The following CNTN5 variants were observed in gnomAD, a reference collection of about 807,000 sequenced individuals.
The protein encoded by CNTN5 is contactin-5.
A neutral mutation model predicts 129.1 loss-of-function variants in CNTN5; 77 were observed. The ratio of observed to expected loss-of-function variants is 0.60; its 90% CI spans 0.50 to 0.72. The LOEUF is 0.72. Ranked by LOEUF, CNTN5 falls within the 30% of genes least tolerant of loss-of-function variation. The pLI is 0.00. For missense variants in CNTN5, 1,478 were observed against 1,328.8 expected, an observed-to-expected ratio of 1.11 and a Z score of -1.75; for synonymous variants, 509 against 465.6, an observed-to-expected ratio of 1.09 and a Z score of -1.20.
intron 2 of CNTN5, among the ~76,000 whole-genome samples, chr11:99,537,549 T>C (rs1163467482): frequency 6.6e-6 from 1 of 152,146 alleles, no homozygotes; most frequent in Admixed American, 6.5e-5. Context: ...GCACCCTTCT[T>C]CGCTTCTCTT....
chr11:99,292,913 A>C (rs1282543910), intron 1 of CNTN5, among the ~76,000 whole-genome samples: 2 of 152,182 alleles, frequency 1.3e-5, no homozygotes, highest in African/African-American at 4.8e-5. Flanking sequence ...CTATTAAAGC[A>C]TAAGGTTATT....
At chr11:99,961,486 G>C (rs1950945590) in intron 8 of CNTN5, among the ~76,000 whole-genome samples, 1 of 152,126 alleles carries the variant, frequency 6.6e-6, no homozygotes, top group Admixed American at 6.5e-5. Context: ...CTAAAACACA[G>C]AATAAAGTGT....
At chr11:99,366,866 G>A (rs954035692) in intron 2 of CNTN5, among the ~76,000 whole-genome samples, 4 of 152,154 alleles carry the variant, frequency 2.6e-5, no homozygotes, top group Admixed American at 2.6e-4. Context: ...TAGAAAAGGG[G>A]AAATTGTTTC....
chr11:99,845,789 AAC>A (rs56152066), intron 6 of CNTN5, among the ~76,000 whole-genome samples: 5,775 of 152,230 alleles, frequency 0.038, 179 homozygotes, highest in East Asian at 0.15. Flanking sequence ...TAGAATTCAT[AAC>A]AGTCTATTTT....
intron 1 of CNTN5, among the ~76,000 whole-genome samples, chr11:99,278,704 C>T (rs1271843004): frequency 6.6e-6 from 1 of 151,734 alleles, no homozygotes; most frequent in Admixed American, 6.6e-5. Context: ...TTATATACCT[C>T]ATCCAAGGTC....
At chr11:99,970,994 G>C (rs528399995) in intron 8 of CNTN5, among the ~76,000 whole-genome samples, 1 of 152,114 alleles carries the variant, frequency 6.6e-6, no homozygotes, top group Non-Finnish European at 1.5e-5. Context: ...ATTTGCCAAA[G>C]ATCATGAAAT....
At chr11:99,657,297 A>G (rs1488229353) in intron 3 of CNTN5, among the ~76,000 whole-genome samples, 1 of 152,164 alleles carries the variant, frequency 6.6e-6, no homozygotes, top group African/African-American at 2.4e-5. Context: ...ATGGATATAT[A>G]GAATAGTACA....
At chr11:99,193,562 T>TG (rs560042206) in intron 1 of CNTN5, among the ~76,000 whole-genome samples, 75 of 152,226 alleles carry the variant, frequency 4.9e-4, no homozygotes, top group African/African-American at 1.7e-3. Context: ...TATGGTAACA[T>TG]GTCCTTCACT....
At chr11:99,103,009 G>A (rs1461446368) in intron 1 of CNTN5, among the ~76,000 whole-genome samples, 3 of 152,086 alleles carry the variant, frequency 2.0e-5, no homozygotes, top group Non-Finnish European at 2.9e-5. Context: ...AAGGCAAAAG[G>A]CAAAAGGCAT....
chr11:99,365,333 A>T (rs1939377569), intron 2 of CNTN5, among the ~76,000 whole-genome samples: 1 of 152,220 alleles, frequency 6.6e-6, no homozygotes, highest in Non-Finnish European at 1.5e-5. Context: ...ATGAGTTAAC[A>T]TTGTTCAAAC....
intron 8 of CNTN5, among the ~76,000 whole-genome samples, chr11:99,982,004 T>A (rs1054681738): frequency 4.6e-5 from 7 of 152,194 alleles, no homozygotes; most frequent in Admixed American, 6.5e-5. Flanking sequence ...GTTTGTAGGA[T>A]GGATCCATCG....
chr11:99,325,276 G>A (rs1244712931), intron 1 of CNTN5, 70 bp from the exon 2 acceptor site: 1 of 146,522 alleles, frequency 6.8e-6, no homozygotes, highest in East Asian at 2.0e-4. Flanking sequence ...TAAGATGCAT[G>A]GGTTTTGGTC....
intron 9 of CNTN5, among the ~76,000 whole-genome samples, chr11:100,043,980 A>G (rs925119525): frequency 1.3e-5 from 2 of 151,962 alleles, no homozygotes; most frequent in African/African-American, 2.4e-5. Context: ...TAGTGTAACC[A>G]TCACCTGAAT....
chr11:99,069,510 C>A (rs932810153), intron 1 of CNTN5, among the ~76,000 whole-genome samples: 1 of 152,106 alleles, frequency 6.6e-6, no homozygotes, highest in Non-Finnish European at 1.5e-5. Flanking sequence ...GCATTGTAAT[C>A]ATCTCTGTTA....
At chr11:99,518,060 C>T (rs1040117636) in intron 2 of CNTN5, among the ~76,000 whole-genome samples, 3 of 152,212 alleles carry the variant, frequency 2.0e-5, no homozygotes, top group East Asian at 3.9e-4. Context: ...AAACAGTTAT[C>T]AGTCATGGAC....
chr11:99,467,447 T>G (rs951515177), intron 2 of CNTN5, among the ~76,000 whole-genome samples: 1 of 152,148 alleles, frequency 6.6e-6, no homozygotes, highest in African/African-American at 2.4e-5. Context: ...CTAAACAACT[T>G]TCTTTTTTTG....
intron 1 of CNTN5, among the ~76,000 whole-genome samples, chr11:99,196,894 A>G (rs1208806817): frequency 1.3e-5 from 2 of 151,954 alleles, no homozygotes; most frequent in Admixed American, 6.6e-5. Context: ...GGGAGTGAAT[A>G]AAATATTAAT....
At chr11:99,881,671 A>G (rs1948776087) in intron 6 of CNTN5, among the ~76,000 whole-genome samples, 1 of 152,224 alleles carries the variant, frequency 6.6e-6, no homozygotes, top group Non-Finnish European at 1.5e-5. Flanking sequence ...GAGCTGGCTT[A>G]GTAAGTGCTG....
At chr11:99,941,769 C>T (rs774095474) in intron 7 of CNTN5, among the ~76,000 whole-genome samples, 2 of 151,952 alleles carry the variant, frequency 1.3e-5, no homozygotes, top group African/African-American at 4.8e-5. Flanking sequence ...AATTATTGCA[C>T]GTGTCCTAAG....
Sources: gnomAD v4.1 joint callset for allele counts (sites outside exome capture counted in the v4.1 genomes callset) on GRCh38, gnomAD v4.1.1 for gene constraint, MANE v1.5 for transcripts, NCBI Gene and HGNC (gene_info 2026-07-23, HGNC 2026-07-21) for gene names.